SASH1: variants seen among roughly 807,000 people sequenced by gnomAD.
SASH1 encodes the protein SAM and SH3 domain containing 1.
A neutral mutation model predicts 125.2 loss-of-function variants in SASH1; 44 were observed. That is an observed-to-expected ratio of 0.35 (90% CI 0.28 to 0.45). The LOEUF (loss-of-function observed/expected upper bound fraction) is 0.45. SASH1 is among the 20% of genes least tolerant of loss of function. SASH1 has a pLI of 1.00. For synonymous variants in SASH1, 639 were observed against 649.1 expected (o/e 0.98, Z 0.24); for missense variants, 1,426 against 1,614.5 (o/e 0.88, Z 2.00).
chr6:148,525,426 C>A, intron 11 of SASH1, 61 bp downstream of exon 11: 1 of 1,274,402 alleles, frequency 7.8e-7, no homozygotes, highest in Non-Finnish European at 1.1e-6. Flanking sequence ...GACAATAGTT[C>A]ACCATTGAGT....
intron 1 of SASH1, among the ~76,000 whole-genome samples, chr6:148,343,780 A>G (rs1781424707): frequency 6.6e-6 from 1 of 152,210 alleles, no homozygotes; most frequent in African/African-American, 2.4e-5. Context: ...GTATTTTGAA[A>G]TGTCCAGTGA....
intron 1 of SASH1, among the ~76,000 whole-genome samples, chr6:148,345,054 G>A (rs1781479184): frequency 6.6e-6 from 1 of 152,128 alleles, no homozygotes; most frequent in South Asian, 2.1e-4. Context: ...GCGCCCGATA[G>A]ACTGTTTTTA....
At chr6:148,264,176 C>T in the SASH1 span, among the ~76,000 whole-genome samples, 2 of 52,398 alleles carry the variant, frequency 3.8e-5, no homozygotes, top group South Asian at 6.8e-4. Flanking sequence ...TTATTTTGAC[C>T]GAAAAAAAAA....
chr6:148,221,593 AG>A, the SASH1 span, among the ~76,000 whole-genome samples: 1 of 152,238 alleles, frequency 6.6e-6, no homozygotes, highest in Non-Finnish European at 1.5e-5. Context: ...CAGAATTTAC[AG>A]TGGCTACTTT....
intron 1 of SASH1, among the ~76,000 whole-genome samples, chr6:148,294,262 C>T (rs1043264512): frequency 1.5e-4 from 23 of 152,360 alleles, no homozygotes; most frequent in Non-Finnish European, 2.9e-4. Flanking sequence ...TGAGGCTACA[C>T]AGCCAAGAAA....
chr6:148,254,316 T>C, the SASH1 span, among the ~76,000 whole-genome samples: 2 of 152,136 alleles, frequency 1.3e-5, no homozygotes, highest in Middle Eastern at 3.4e-3. Context: ...CAAAGAGTGA[T>C]AACAACTCAA....
chr6:148,280,820 A>G (rs756109810), intron 1 of SASH1, among the ~76,000 whole-genome samples: 5 of 152,170 alleles, frequency 3.3e-5, no homozygotes, highest in Non-Finnish European at 7.3e-5. Context: ...AACAACAACA[A>G]CAAAAGAGAC....
At chr6:148,443,407 A>T (rs748159136) in intron 4 of SASH1, among the ~76,000 whole-genome samples, 11 of 56,058 alleles carry the variant, frequency 2.0e-4, no homozygotes, top group Non-Finnish European at 3.7e-4. Flanking sequence ...GTTTTCTCTG[A>T]GAAGTTACAA....
At chr6:148,422,614 T>C (rs1362952745) in intron 2 of SASH1, among the ~76,000 whole-genome samples, 1 of 152,262 alleles carries the variant, frequency 6.6e-6, no homozygotes, top group East Asian at 1.9e-4. Context: ...GTGGCACTTT[T>C]GCCATTCAAT....
At chr6:148,254,248 G>A in the SASH1 span, among the ~76,000 whole-genome samples, 1 of 151,834 alleles carries the variant, frequency 6.6e-6, no homozygotes, top group Non-Finnish European at 1.5e-5. Context: ...TAACGCATTA[G>A]ATGCAACAAA....
chr6:148,451,442 C>T (rs1248577166), intron 4 of SASH1, among the ~76,000 whole-genome samples: 4 of 152,236 alleles, frequency 2.6e-5, no homozygotes, highest in Admixed American at 6.5e-5. Flanking sequence ...GGTTGCCCCC[C>T]TTTTCTTACC....
At chr6:148,368,749 C>A (rs559396066) in intron 1 of SASH1, among the ~76,000 whole-genome samples, 3 of 147,204 alleles carry the variant, frequency 2.0e-5, no homozygotes, top group Non-Finnish European at 3.0e-5. Context: ...CAACCTCCCC[C>A]ACATGCGCGC....
intron 4 of SASH1, among the ~76,000 whole-genome samples, chr6:148,443,191 G>A (rs1478532601): frequency 6.7e-6 from 1 of 148,244 alleles, no homozygotes; most frequent in East Asian, 1.9e-4. Context: ...TTGGTGTCAC[G>A]TCTTTTGTCA....
At chr6:148,507,639 G>A (rs1012872543) in intron 8 of SASH1, among the ~76,000 whole-genome samples, 1 of 152,270 alleles carries the variant, frequency 6.6e-6, no homozygotes, top group Non-Finnish European at 1.5e-5. Flanking sequence ...AATTACAGGC[G>A]TGAGCCACTG....
chr6:148,225,677 C>T, the SASH1 span, among the ~76,000 whole-genome samples: 1 of 152,118 alleles, frequency 6.6e-6, no homozygotes, highest in Admixed American at 6.5e-5. Context: ...CACTAAAGAA[C>T]TTGTCCATGT....
chr6:148,491,985 G>A (rs755631409), intron 8 of SASH1, among the ~76,000 whole-genome samples: 3 of 152,176 alleles, frequency 2.0e-5, no homozygotes, highest in Non-Finnish European at 2.9e-5. Context: ...AGGATCATGA[G>A]AAATAAATAC....
chr6:148,465,017 T>A (rs979410694), intron 4 of SASH1, among the ~76,000 whole-genome samples: 49 of 152,150 alleles, frequency 3.2e-4, no homozygotes, highest in Non-Finnish European at 6.6e-4. Context: ...TGTGGTAGTT[T>A]GAAGACAGTA....
chr6:148,326,112 C>G (rs1451336335), intron 1 of SASH1, among the ~76,000 whole-genome samples: 1 of 149,988 alleles, frequency 6.7e-6, no homozygotes, highest in Non-Finnish European at 1.5e-5. Flanking sequence ...ACTGCAATCT[C>G]CACCTCCTGG....
chr6:148,228,576 A>G, the SASH1 span, among the ~76,000 whole-genome samples: 2 of 152,320 alleles, frequency 1.3e-5, no homozygotes, highest in East Asian at 3.9e-4. Flanking sequence ...AGCTTGTCAA[A>G]TGGATTTGGG....
Sources: allele counts gnomAD v4.1 joint callset (sites outside exome capture counted in the v4.1 genomes callset), GRCh38; gene constraint gnomAD v4.1.1; transcripts MANE v1.5; gene names NCBI Gene and HGNC (gene_info 2026-07-23, HGNC 2026-07-21).